HMGB1: variants seen among roughly 807,000 people sequenced by gnomAD.
HMGB1 encodes the protein high mobility group box 1, also known as high mobility group protein B1.
For synonymous variants in HMGB1, 81 were observed against 84.0 expected, an observed-to-expected ratio of 0.96 and a Z score of 0.19; for missense variants, 79 against 253.5, an observed-to-expected ratio of 0.31 and a Z score of 4.67.
chr13:30,463,199 A>ATG lies in HMGB1; in HGVS notation c.296+7_296+8insCA. 6.3e-7 allele frequency: 1 copy of ATG among 1,599,638 alleles called. No individual in the cohort carries two copies. The highest frequency in any genetic ancestry group is 8.5e-7 in the Non-Finnish European group (1 of 1,177,204). On this transcript the variant is annotated splice_region_variant and intron_variant, in intron 3 of 4. Transcript: ENST00000341423. The stretch of plus-strand genomic sequence containing the variant: ...TGTCTGGGAAGTAAAAACAGGCAAG[A>ATG]TACTCACGGAGGCCTCTTGGGTGCA...
At chr13:30,561,349 A>G (rs1280071899) in intron 1 of HMGB1, among the ~76,000 whole-genome samples, 2 of 152,118 alleles carry the variant, frequency 1.3e-5, no homozygotes, top group Non-Finnish European at 2.9e-5. Flanking sequence ...ATGAGAAAAG[A>G]AGAAAGAATA....
At chr13:30,496,309 T>C (rs528101980) in intron 1 of HMGB1, among the ~76,000 whole-genome samples, 5 of 152,338 alleles carry the variant, frequency 3.3e-5, no homozygotes, top group African/African-American at 9.6e-5. Context: ...ATATCAGTAA[T>C]GTACCAAACA....
intron 1 of HMGB1, among the ~76,000 whole-genome samples, chr13:30,500,342 C>G (rs77038921): frequency 0.022 from 3,312 of 152,106 alleles, 109 homozygotes; most frequent in African/African-American, 0.075. Context: ...AACTAAGACA[C>G]CAGGAGATGC....
chr13:30,553,646 T>C (rs1869535014), intron 1 of HMGB1: 8 of 686,022 alleles, frequency 1.2e-5, no homozygotes, highest in South Asian at 1.1e-4. Context: ...TCCATTTCTC[T>C]TAAGATTCAC....
intron 1 of HMGB1, among the ~76,000 whole-genome samples, chr13:30,530,403 T>A (rs1350924861): frequency 6.6e-6 from 1 of 152,220 alleles, no homozygotes; most frequent in Non-Finnish European, 1.5e-5. Context: ...ATACTCAACT[T>A]GTGCAGGTAA....
intron 1 of HMGB1, among the ~76,000 whole-genome samples, chr13:30,474,871 A>G (rs1426856910): frequency 8.3e-6 from 1 of 119,814 alleles, no homozygotes; most frequent in Non-Finnish European, 1.6e-5. Flanking sequence ...TTTTTTTGAG[A>G]CAGGGTCTTG....
At chr13:30,485,374 C>G (rs531455570) in intron 1 of HMGB1, among the ~76,000 whole-genome samples, 1 of 152,266 alleles carries the variant, frequency 6.6e-6, no homozygotes, top group East Asian at 1.9e-4. Flanking sequence ...GACCCTAACT[C>G]CCACTTATAA....
At chr13:30,548,684 T>C (rs570640402) in intron 1 of HMGB1, among the ~76,000 whole-genome samples, 3 of 152,176 alleles carry the variant, frequency 2.0e-5, no homozygotes, top group Non-Finnish European at 4.4e-5. Flanking sequence ...ATGCTTCCAC[T>C]AATTATGATG....
intron 1 of HMGB1, among the ~76,000 whole-genome samples, chr13:30,613,000 G>A (rs1016843463): frequency 6.6e-6 from 1 of 152,222 alleles, no homozygotes; most frequent in Non-Finnish European, 1.5e-5. Context: ...GATTAGAAAT[G>A]AGAGGATGTA....
chr13:30,520,647 A>G (rs1399999936), intron 1 of HMGB1, among the ~76,000 whole-genome samples: 2 of 152,118 alleles, frequency 1.3e-5, no homozygotes, highest in African/African-American at 4.8e-5. Context: ...AATAAAATAA[A>G]ATAAAATTCC....
intron 4 of HMGB1, among the ~76,000 whole-genome samples, chr13:30,461,932 T>TA (rs753981398): frequency 1.8e-4 from 26 of 148,564 alleles, no homozygotes; most frequent in South Asian, 4.3e-4. Context: ...AATGTGGTCT[T>TA]AAAAAAAAAA....
intron 1 of HMGB1, among the ~76,000 whole-genome samples, chr13:30,552,374 A>C (rs1209603076): frequency 6.6e-6 from 1 of 152,172 alleles, no homozygotes; most frequent in Non-Finnish European, 1.5e-5. Context: ...ATACTTAGGA[A>C]ATTTAATATT....
chr13:30,615,181 C>G (rs1190111050), intron 1 of HMGB1, among the ~76,000 whole-genome samples: 1 of 152,148 alleles, frequency 6.6e-6, no homozygotes, highest in Non-Finnish European at 1.5e-5. Flanking sequence ...GACAGACACA[C>G]AATATGATAC....
Position 30,576,008 on chromosome 13 carries a change from T to G in HMGB1, c.-15+40663A>C, listed in dbSNP as rs78896306. Among the ~76,000 whole-genome samples, 613 of 152,298 alleles carry G rather than the reference T, an allele frequency of 4.0e-3. 3 individuals are homozygous for G. Among genetic ancestry groups the G allele is most frequent in the African/African-American group, 0.012 (517 of 41,558 alleles). On this transcript the variant is annotated intron_variant, in intron 1 of 4. Coordinates refer to the HMGB1 transcript ENST00000405805. Reference sequence around the variant, plus strand: ...GGACAGAATCCCTGTCTCTAGGCCCTCTTCCACTAGTCAATCTCATCATCA... The same window carrying G: ...GGACAGAATCCCTGTCTCTAGGCCCGCTTCCACTAGTCAATCTCATCATCA...
At chr13:30,534,313 C>CTCGT (rs1397947602) in intron 1 of HMGB1, among the ~76,000 whole-genome samples, 1 of 152,234 alleles carries the variant, frequency 6.6e-6, no homozygotes, top group African/African-American at 2.4e-5. Flanking sequence ...CAAACTCAGT[C>CTCGT]TCGTCTCTCA....
chr13:30,495,510 G>A (rs1422078472), intron 1 of HMGB1, among the ~76,000 whole-genome samples: 11 of 142,588 alleles, frequency 7.7e-5, no homozygotes, highest in Non-Finnish European at 1.4e-4. Flanking sequence ...ACGGAGTCTC[G>A]CTCTGTCGCC....
chr13:30,503,723 C>T (rs973181774), intron 1 of HMGB1, among the ~76,000 whole-genome samples: 9 of 148,354 alleles, frequency 6.1e-5, no homozygotes, highest in East Asian at 2.0e-4. Flanking sequence ...CAAGACTGTC[C>T]GAGCTCAAAG....
At chr13:30,491,585 CCTGGGAGGCAGAGGTTG>C (rs891950866) in intron 1 of HMGB1, among the ~76,000 whole-genome samples, 1 of 151,372 alleles carries the variant, frequency 6.6e-6, no homozygotes, top group Non-Finnish European at 1.5e-5. Context: ...ATCACCTAAG[CCTGGGAGGCAGAGGTTG>C]CAGCGAGCCA....
chr13:30,456,861 C>T lies in HMGB1; in HGVS notation c.*4496G>A, dbSNP rs546114113. ...GTTCTACTTTTGAGGTATCTGAAGA[C>T]CCACACATGCCTGAGAGAAATGTAC... On this transcript the variant is annotated 3_prime_UTR_variant, in exon 5 of 5. Transcript: ENST00000341423. 1 of 148,016 alleles carries T rather than the reference C, an allele frequency of 6.8e-6. No individual in the cohort carries two copies. Among genetic ancestry groups the T allele is most frequent in the Non-Finnish European group, 1.5e-5 (1 of 67,622 alleles). 9.2% of individuals were successfully genotyped at this position (148,016 alleles called of 1,614,324 possible).
Sources: gnomAD v4.1 joint callset for allele counts (sites outside exome capture counted in the v4.1 genomes callset) on GRCh38, gnomAD v4.1.1 for gene constraint, MANE v1.5 for transcripts, NCBI Gene and HGNC (gene_info 2026-07-23, HGNC 2026-07-21) for gene names.